MAFG: variants seen among roughly 807,000 people sequenced by gnomAD.
MAFG encodes MAF bZIP transcription factor G.
Under a neutral mutation model 12.2 loss-of-function variants are expected in MAFG, and 3 were observed. That is an observed-to-expected ratio of 0.25 (90% CI 0.11 to 0.64). The LOEUF (loss-of-function observed/expected upper bound fraction) is 0.64. MAFG is among the 30% of genes least tolerant of loss of function. The probability of loss-of-function intolerance (pLI) is 0.85; values close to 1 mark genes in which losing one functional copy is unlikely to be tolerated. For missense variants in MAFG, 153 were observed against 235.5 expected, an observed-to-expected ratio of 0.65 and a Z score of 2.29; for synonymous variants, 126 against 109.1, an observed-to-expected ratio of 1.15 and a Z score of -0.96.
rs971424818 is a variant in MAFG at position 81,921,620 on chromosome 17, T to C, written c.*985A>G. 3.3e-5 allele frequency: 5 copies of C among 151,866 alleles called. No individual in the cohort carries two copies. The highest frequency in any genetic ancestry group is 1.2e-4 in the African/African-American group (5 of 41,360). The allele number at this position is 151,866 out of a possible 1,614,324, so 9.4% of individuals were successfully genotyped here. ...ATAAATAATGTCTGATAACTCTGTG[T>C]ATATAAAAACTAAACTCCAACAGCC... On this transcript the variant is annotated 3_prime_UTR_variant, in exon 3 of 3. Coordinates refer to ENST00000357736, the MANE Select transcript of MAFG (RefSeq NM_002359.4).
At position 81,927,720 on chromosome 17, in the gene MAFG, T is replaced by G. The variant is rs1416833688; in HGVS notation, c.-222A>C. On this transcript the variant is annotated 5_prime_UTR_variant, in exon 1 of 3. Transcript: ENST00000357736. ...CGGGATCCGCCGCCGCCGCCGCCGC[T>G]CCACAGACGTCACATGATGTTTGGT... 1 of 152,304 alleles carries G rather than the reference T, an allele frequency of 6.6e-6. No homozygotes were observed. The highest frequency in any genetic ancestry group is 2.4e-5 in the African/African-American group (1 of 41,264). The allele number at this position is 152,304 out of a possible 1,614,324, so 9.4% of individuals were successfully genotyped here.
chr17:81,927,344 G>A (rs891343359), intron 1 of MAFG, among the ~76,000 whole-genome samples, 184 bp downstream of exon 1: 13 of 151,336 alleles, frequency 8.6e-5, no homozygotes, highest in Non-Finnish European at 1.3e-4. Context: ...CCTGACCGCT[G>A]GGGAAATCGA....
At chr17:81,925,684 T>A (rs1234459865) in intron 1 of MAFG, among the ~76,000 whole-genome samples, 2 of 150,826 alleles carry the variant, frequency 1.3e-5, no homozygotes, top group East Asian at 3.9e-4. Flanking sequence ...GGTGGGCGCC[T>A]GTAGTCCCAG....
chr17:81,922,596 C>G lies in MAFG; in HGVS notation c.*9G>C. ...CCCCGCAAAGACCCGCCTGGGCAGA[C>G]GCGCGTCCCTACGATCGGGCATCCG... On this transcript the variant is annotated 3_prime_UTR_variant, in exon 3 of 3. Transcript: ENST00000357736. 4 of 1,456,824 alleles carry G rather than the reference C, an allele frequency of 2.7e-6. No individual in the cohort carries two copies. The highest frequency in any genetic ancestry group is 3.6e-6 in the Non-Finnish European group (4 of 1,106,696). The allele number at this position is 1,456,824 out of a possible 1,614,324, so 90.2% of individuals were successfully genotyped here.
rs2040913836 is a variant in MAFG, at chr17:81,923,345, C to A, written c.-29-131G>T. 1.2e-5 allele frequency: 7 copies of A among 606,378 alleles called. No homozygotes were observed. The South Asian group carries it at 1.5e-4, about 13-fold the overall frequency. 37.6% of individuals were successfully genotyped at this position (606,378 alleles called of 1,614,324 possible). A position where few individuals can be genotyped will look rare whatever the true frequency, so the allele number is the denominator to read the frequency against. ...CAGCCTGCTGTCCAGGTGCCCAGCC[C>A]CCAATACCTGATAGGAGGCAGCCCT... On this transcript the variant is annotated intron_variant, in intron 1 of 2. Transcript: ENST00000357736.
chr17:81,922,799 T>C lies in MAFG; in HGVS notation c.295A>G (p.Ser99Gly). Residue 99 changes from serine (S) to glycine (G), a missense_variant, in exon 3 of 3, where the codon AGC becomes GGC. Physicochemically the swap from Ser to Gly is moderately conservative, Grantham distance 56 (BLOSUM62 0). Around this residue, in one of 3 missense-constraint regions of MAFG, gnomAD observed 29 missense variants for 75.3 expected, o/e 0.39. Coordinates refer to ENST00000357736, the MANE Select transcript of MAFG (RefSeq NM_002359.4). ...EVEKLASENA[S>G]MKLELDALRS... Reference sequence around the variant, plus strand: ...AGCGCGTCGAGCTCCAGCTTCATGCTGGCGTTCTCTGAGGCCAGCTTCTCC... The same window carrying C: ...AGCGCGTCGAGCTCCAGCTTCATGCCGGCGTTCTCTGAGGCCAGCTTCTCC... 6.2e-7 allele frequency: 1 copy of C among 1,604,910 alleles called. No individual in the cohort carries two copies. The highest frequency in any genetic ancestry group is 1.1e-5 in the South Asian group (1 of 89,494).
At chr17:81,930,685 TGGG>T (rs2040978155), upstream of MAFG, 2 of 151,704 alleles carry the variant, frequency 1.3e-5, no homozygotes, top group African/African-American at 4.9e-5. This position sits in a 1 kb window ranked among gnomAD's most constrained non-coding sequence, Gnocchi z 4.1. Context: ...GAAAAATAAA[TGGG>T]GGCAGAAGCT....
chr17:81,929,940 A>ACCCCC (rs2040972187), upstream of MAFG: 1 of 139,722 alleles, frequency 7.2e-6, no homozygotes, highest in African/African-American at 3.0e-5. The surrounding 1 kb of genome is among the most constrained non-coding windows in gnomAD (Gnocchi z 5.7). Flanking sequence ...TGTGGGACTG[A>ACCCCC]GCCCCGCAGG....
intron 1 of MAFG, 63 bp downstream of exon 1, chr17:81,927,465 G>C (rs932807136): frequency 4.1e-5 from 6 of 146,480 alleles, no homozygotes; most frequent in African/African-American, 1.5e-4. Flanking sequence ...GCGCCCCCTC[G>C]GCCCCCGCCG....
Position 81,923,178 on chromosome 17 carries a change from G to A in MAFG, c.8C>T (p.Thr3Ile). Residue 3 changes from threonine (T) to isoleucine (I), a missense_variant, in exon 2 of 3, where the codon ACC becomes ATC. By Grantham distance (89) the Thr-to-Ile change is moderately conservative (BLOSUM62 -1). This residue lies in a region of MAFG where 43 missense variants were observed against 65.6 expected (regional missense o/e 0.66). Coordinates refer to ENST00000357736, the MANE Select transcript of MAFG (RefSeq NM_002359.4). ...CAAGGCCTTGTTTCCTTTATTGGGG[G>A]TCGTCATAACCCGGGGGCACAGCGA... The part of the protein sequence containing the change: MT[T>I]PNKGNKALKV... The A allele has an allele frequency of 6.2e-7, 1 of 1,606,582 alleles. No homozygotes were observed. The highest frequency in any genetic ancestry group is 8.5e-7 in the Non-Finnish European group (1 of 1,176,602).
At position 81,922,990 on chromosome 17, in the gene MAFG, C is replaced by G; in HGVS notation, c.104G>C (p.Arg35Pro). Residue 35 changes from arginine (R) to proline (P), a missense_variant, in exon 3 of 3, where the codon CGG (arginine) becomes CCG (proline). Arg to Pro is a moderately radical substitution (Grantham distance 103, BLOSUM62 -2). Coordinates refer to ENST00000357736, the MANE Select transcript of MAFG (RefSeq NM_002359.4). ...TDEELVTMSV[R>P]ELNQHLRGLS... The stretch of plus-strand genomic sequence containing the variant: ...GCCCCGCAGGTGCTGGTTCAGCTCC[C>G]GCACCGACATGGTCACCAGCTCCTC... The G allele has an allele frequency of 1.9e-6, 3 of 1,597,958 alleles. No individual in the cohort carries two copies. Among genetic ancestry groups the G allele is most frequent in the Non-Finnish European group, 2.6e-6 (3 of 1,172,260 alleles).
rs1204649106 is a variant in MAFG at position 81,926,434 on chromosome 17, T to C, written c.-30+1094A>G. ...GAGAGGCTGGGCTGCTTCCTCCCCT[T>C]TGCCGTTTCCTGGTAGAGCTGCCCC... is the stretch of plus-strand genomic sequence containing the variant. On this transcript the variant is annotated intron_variant, in intron 1 of 2. Coordinates refer to ENST00000357736, the MANE Select transcript of MAFG (RefSeq NM_002359.4). The surrounding 1 kb of genome is among the most constrained non-coding windows in gnomAD (Gnocchi z 4.6). Among the ~76,000 whole-genome samples, 1 of 152,070 alleles carries C rather than the reference T, an allele frequency of 6.6e-6. No homozygotes were observed. The highest frequency in any genetic ancestry group is 1.5e-5 in the Non-Finnish European group (1 of 68,002).
At position 81,926,495 on chromosome 17, in the gene MAFG, C is replaced by T. The variant is rs2040940443; in HGVS notation, c.-30+1033G>A. On this transcript the variant is annotated intron_variant, in intron 1 of 2. Transcript: ENST00000357736. The surrounding 1 kb of genome is among the most constrained non-coding windows in gnomAD (Gnocchi z 4.6). Reference sequence around the variant, plus strand: ...CTGCCCAGCCCACTGTCACCCAGGGCTTGGTACACACACCCCTCTTTCTCC... The same window carrying T: ...CTGCCCAGCCCACTGTCACCCAGGGTTTGGTACACACACCCCTCTTTCTCC... Among the ~76,000 whole-genome samples, 1 of 152,174 alleles carries T rather than the reference C, an allele frequency of 6.6e-6. No individual in the cohort carries two copies. The highest frequency in any genetic ancestry group is 1.5e-5 in the Non-Finnish European group (1 of 68,030).
Position 81,920,395 on chromosome 17 carries a change from G to A in MAFG, c.*2210C>T, listed in dbSNP as rs541711809. 6.6e-6 allele frequency: 1 copy of A among 152,358 alleles called. No homozygotes were observed. The highest frequency in any genetic ancestry group is 1.9e-4 in the East Asian group (1 of 5,184). 9.4% of individuals were successfully genotyped at this position (152,358 alleles called of 1,614,324 possible). A position where few individuals can be genotyped will look rare whatever the true frequency, so the allele number is the denominator to read the frequency against. On this transcript the variant is annotated 3_prime_UTR_variant, in exon 3 of 3. Transcript: ENST00000357736. ...AAAATCCCACCATCCATAGGGTTAAGCCCTGTTGGGCCACAGTTTTTCATC... is the reference window on the plus strand; with the variant it reads ...AAAATCCCACCATCCATAGGGTTAAACCCTGTTGGGCCACAGTTTTTCATC...
Position 81,918,281 on chromosome 17 carries a change from G to T in MAFG, c.*4324C>A. 3.4e-6 allele frequency: 2 copies of T among 593,778 alleles called. 1 individual carries two copies. Among genetic ancestry groups the T allele is most frequent in the South Asian group, 5.4e-5 (2 of 37,280 alleles). The allele number at this position is 593,778 out of a possible 1,614,324, so 36.8% of individuals were successfully genotyped here. On this transcript the variant is annotated 3_prime_UTR_variant, in exon 3 of 3. Coordinates refer to ENST00000357736, the MANE Select transcript of MAFG (RefSeq NM_002359.4). Reference sequence around the variant, plus strand: ...GAAGCACCTGCCAGTCTCTTTAAAAGGTTTATTGATCATATACAAAATAAA... The same window carrying T: ...GAAGCACCTGCCAGTCTCTTTAAAATGTTTATTGATCATATACAAAATAAA...
chr17:81,922,927 C>T lies in MAFG; in HGVS notation c.167G>A (p.Arg56Gln). ...KEEIVQLKQR[R>Q]RTLKNRGYAA... ...GTAGCCGCGGTTCTTGAGCGTGCGCCGGCGCTGCTTCAGCTGGACGATCTC... is the reference window on the plus strand; with the variant it reads ...GTAGCCGCGGTTCTTGAGCGTGCGCTGGCGCTGCTTCAGCTGGACGATCTC... The change falls in exon 3 of 3, where the codon CGG (arginine) becomes CAG (glutamine). Residue 56 changes from arginine to glutamine, a missense_variant. Arg to Gln is a conservative substitution (Grantham distance 43, BLOSUM62 1). Transcript: ENST00000357736. 6.2e-7 allele frequency: 1 copy of T among 1,607,096 alleles called. No individual in the cohort carries two copies. Among genetic ancestry groups the T allele is most frequent in the Non-Finnish European group, 8.5e-7 (1 of 1,177,296 alleles).
chr17:81,925,805 C>T (rs1341794340), intron 1 of MAFG, among the ~76,000 whole-genome samples: 2 of 131,824 alleles, frequency 1.5e-5, no homozygotes, highest in African/African-American at 6.0e-5. Flanking sequence ...GAGACTCCGT[C>T]TCAAAAAAAA....
At chr17:81,930,436 G>C (rs1031225970), upstream of MAFG, 2 of 151,904 alleles carry the variant, frequency 1.3e-5, no homozygotes, top group Admixed American at 6.6e-5. This position sits in a 1 kb window ranked among gnomAD's most constrained non-coding sequence, Gnocchi z 4.1. Context: ...GAGGCAGTGG[G>C]AGAATCGCTT....
chr17:81,925,916 G>A (rs1655719609), intron 1 of MAFG, among the ~76,000 whole-genome samples: 1 of 150,246 alleles, frequency 6.7e-6, no homozygotes, highest in African/African-American at 2.5e-5. Context: ...GAAACATCTG[G>A]AATCTATAAG....
Sources: gnomAD v4.1 joint callset for allele counts (sites outside exome capture counted in the v4.1 genomes callset) on GRCh38, gnomAD v4.1.1 for gene constraint, gnomAD v4.1.1 regional missense constraint, Gnocchi (gnomAD v3.1) non-coding constraint, MANE v1.5 for transcripts, NCBI Gene and HGNC (gene_info 2026-07-23, HGNC 2026-07-21) for gene names.